The following BDH1 variants were observed in gnomAD, a reference collection of about 807,000 sequenced individuals.
BDH1 encodes 3-hydroxybutyrate dehydrogenase 1.
In BDH1, 30 loss-of-function variants were observed where a neutral mutation model predicts 33.1. That is an observed-to-expected ratio of 0.91 (90% confidence interval 0.68 to 1.23). BDH1 has a LOEUF of 1.23. Among genes scored for constraint, BDH1 ranks in the 50% most tolerant of loss-of-function variants. The pLI, the probability that BDH1 is intolerant of heterozygous loss-of-function variation, is 0.00. For missense variants in BDH1, 443 were observed against 464.4 expected (o/e 0.95, Z 0.42); for synonymous variants, 190 against 183.6 (o/e 1.03, Z -0.28).
At chr3:197,559,223 C>T (rs1717183341), upstream of BDH1, among the ~76,000 whole-genome samples, 1 of 152,190 alleles carries the variant, frequency 6.6e-6, no homozygotes, top group East Asian at 1.9e-4. Context: ...TGGTCTTGAA[C>T]TCCTGACCTC....
chr3:197,573,002 G>T (rs1257622674), intron 1 of BDH1, among the ~76,000 whole-genome samples: 3 of 152,118 alleles, frequency 2.0e-5, no homozygotes, highest in African/African-American at 7.2e-5. Flanking sequence ...ATTTCAAAAA[G>T]AAAATCTAAT....
At chr3:197,512,488 T>G (rs1712180071) in intron 7 of BDH1, 124 bp from the exon 8 acceptor site, 2 of 1,054,648 alleles carry the variant, frequency 1.9e-6, no homozygotes, top group African/African-American at 1.6e-5. Context: ...GCCTTCTCAG[T>G]CAATAGGCAA....
intron 2 of BDH1, among the ~76,000 whole-genome samples, chr3:197,551,973 C>A (rs1716610124): frequency 6.6e-6 from 1 of 152,204 alleles, no homozygotes; most frequent in African/African-American, 2.4e-5. Flanking sequence ...GTTCTCCGCA[C>A]CATGACGAGC....
intron 1 of BDH1, among the ~76,000 whole-genome samples, chr3:197,566,107 TGTCA>T (rs1422699682): frequency 6.6e-6 from 1 of 152,268 alleles, no homozygotes; most frequent in Non-Finnish European, 1.5e-5. Context: ...TATTTGTTTC[TGTCA>T]ACCTGATTTC....
Position 197,550,452 on chromosome 3 carries a change from C to T in BDH1, c.-43-3966G>A, listed in dbSNP as rs531335126. ...CTGTCCTGCTCACCTGATGTCCCCTCCTCTCAGACCTGCCCCTCCCTCATA... is the reference window on the plus strand; with the variant it reads ...CTGTCCTGCTCACCTGATGTCCCCTTCTCTCAGACCTGCCCCTCCCTCATA... On this transcript the variant is annotated intron_variant, in intron 2 of 7. Coordinates refer to ENST00000392379, the MANE Select transcript of BDH1 (RefSeq NM_203314.3). Among the ~76,000 whole-genome samples the T allele has an allele frequency of 1.4e-4, 22 of 152,314 alleles. No homozygotes were observed. In the South Asian group the frequency reaches 1.9e-3, roughly 13 times the overall value.
At chr3:197,562,114 T>C (rs1193664887) in intron 1 of BDH1, among the ~76,000 whole-genome samples, 2 of 152,164 alleles carry the variant, frequency 1.3e-5, no homozygotes, top group Non-Finnish European at 2.9e-5. Flanking sequence ...AGAGATGACC[T>C]TGCACTGTGA....
intron 1 of BDH1, among the ~76,000 whole-genome samples, chr3:197,571,066 C>T (rs1158164111): frequency 6.6e-6 from 1 of 152,222 alleles, no homozygotes; most frequent in Non-Finnish European, 1.5e-5. Context: ...GGATGTGAGA[C>T]ATGGAGTCAA....
Position 197,546,388 on chromosome 3 carries a change from C to G in BDH1, c.56G>C (p.Ser19Thr). ...PLSRLPGKTL[S>T]ACDRENGARR... ...TGCTCCATTTTCTCTATCACAGGCA[C>G]TTAGGGTTTTTCCTGGGAGCCGTGA... is the stretch of plus-strand genomic sequence containing the variant. The change falls in exon 3 of 8, where the codon AGT (serine) becomes ACT (threonine). Residue 19 changes from serine to threonine, a missense_variant. Coordinates refer to ENST00000392379, the MANE Select transcript of BDH1 (RefSeq NM_203314.3). The G allele has an allele frequency of 6.2e-7, 1 of 1,614,142 alleles. No individual in the cohort carries two copies. The highest frequency in any genetic ancestry group is 8.5e-7 in the Non-Finnish European group (1 of 1,180,030).
At chr3:197,544,598 G>C (rs748121584) in intron 3 of BDH1, among the ~76,000 whole-genome samples, 2 of 152,146 alleles carry the variant, frequency 1.3e-5, no homozygotes, top group African/African-American at 2.4e-5. Context: ...CTCCGTCCCC[G>C]CTCTGATGGC....
At chr3:197,540,155 A>G (rs576515961) in intron 3 of BDH1, among the ~76,000 whole-genome samples, 1 of 151,978 alleles carries the variant, frequency 6.6e-6, no homozygotes, top group African/African-American at 2.4e-5. Flanking sequence ...GGTTCAAGCA[A>G]TTCTCGTGCC....
rs1327557206 is a variant in BDH1 at position 197,520,297 on chromosome 3, A to AG, written c.409+2342_409+2343insC. 6.6e-6 allele frequency among the ~76,000 whole-genome samples: 1 copy of AG among 152,216 alleles called. No homozygotes were observed. The highest frequency in any genetic ancestry group is 1.5e-5 in the Non-Finnish European group (1 of 68,030). ...TCTTCAAATCCTTTTCCAAAAAAAAAAAATGCAGTATCGGTTAAGGAAGTT... is the reference window on the plus strand; with the variant it reads ...TCTTCAAATCCTTTTCCAAAAAAAAAGAAATGCAGTATCGGTTAAGGAAGTT... On this transcript the variant is annotated intron_variant, in intron 6 of 7. Transcript: ENST00000392379. This position sits in a 1 kb window ranked among gnomAD's most constrained non-coding sequence, Gnocchi z 6.0.
chr3:197,548,878 AAAAAACAC>A (rs1716322472), intron 2 of BDH1, among the ~76,000 whole-genome samples: 1 of 134,694 alleles, frequency 7.4e-6, no homozygotes. Context: ...AAAAAAACAA[AAAAAACAC>A]AAAAAACTCA....
intron 1 of BDH1, among the ~76,000 whole-genome samples, chr3:197,561,769 AAAAC>A (rs780888957): frequency 1.3e-5 from 2 of 152,190 alleles, no homozygotes; most frequent in Non-Finnish European, 2.9e-5. Context: ...TCTCACAGCT[AAAAC>A]AAACAAACAA....
At chr3:197,542,333 T>G (rs1459405124) in intron 3 of BDH1, among the ~76,000 whole-genome samples, 3 of 152,154 alleles carry the variant, frequency 2.0e-5, no homozygotes, top group Non-Finnish European at 4.4e-5. Flanking sequence ...CCATGAGGCG[T>G]TAGGCCCAAA....
intron 2 of BDH1, among the ~76,000 whole-genome samples, chr3:197,551,642 C>A (rs535525607): frequency 1.8e-4 from 28 of 152,212 alleles, no homozygotes; most frequent in African/African-American, 5.8e-4. Flanking sequence ...TTTGGAGGAA[C>A]CTACAAACTA....
chr3:197,527,192 C>T (rs538866752), intron 5 of BDH1, among the ~76,000 whole-genome samples: 1 of 152,208 alleles, frequency 6.6e-6, no homozygotes, highest in Non-Finnish European at 1.5e-5. Context: ...CGAGCCTGGG[C>T]ACTGTGATGT....
At chr3:197,555,250 G>T (rs1267478448) in intron 1 of BDH1, 1 of 153,812 alleles carries the variant, frequency 6.5e-6, no homozygotes, top group African/African-American at 2.4e-5. Context: ...GAGGACCCCG[G>T]AGGAGGAGGA....
chr3:197,540,605 G>A (rs1245896136), intron 3 of BDH1, among the ~76,000 whole-genome samples: 1 of 152,124 alleles, frequency 6.6e-6, no homozygotes, highest in African/African-American at 2.4e-5. Flanking sequence ...GGAAGCAGAA[G>A]TTGCAGTGAG....
chr3:197,525,072 G>A lies in BDH1; in HGVS notation c.268-2291C>T, dbSNP rs564105436. ...AACAAGACGCAGGCATGAGATGCACGGGACAGATGGGCCTGGAGCTCAGGC... is the reference window on the plus strand; with the variant it reads ...AACAAGACGCAGGCATGAGATGCACAGGACAGATGGGCCTGGAGCTCAGGC... On this transcript the variant is annotated intron_variant, in intron 5 of 7. Transcript: ENST00000392379. The surrounding 1 kb of genome is among the most constrained non-coding windows in gnomAD (Gnocchi z 4.9). Among the ~76,000 whole-genome samples the A allele has an allele frequency of 2.0e-5, 3 of 152,274 alleles. No homozygotes were observed. In the South Asian group the frequency reaches 6.2e-4, roughly 32 times the overall value.
Sources: allele counts gnomAD v4.1 joint callset (sites outside exome capture counted in the v4.1 genomes callset), GRCh38; gene constraint gnomAD v4.1.1; non-coding constraint Gnocchi (gnomAD v3.1); transcripts MANE v1.5; gene names NCBI Gene and HGNC (gene_info 2026-07-23, HGNC 2026-07-21).